Variants in TRPM3 observed in about 807,000 individuals in gnomAD.
TRPM3 encodes transient receptor potential cation channel subfamily M member 3, also known as long transient receptor potential channel 3.
Under a neutral mutation model 181.2 loss-of-function variants are expected in TRPM3, and 77 were observed. The ratio of observed to expected loss-of-function variants is 0.42; its 90% CI spans 0.35 to 0.51. The LOEUF is 0.51. Ranked by LOEUF, TRPM3 falls within the 20% of genes least tolerant of loss-of-function variation. The probability of loss-of-function intolerance (pLI) is 0.01; values close to 1 mark genes in which losing one functional copy is unlikely to be tolerated. For missense variants in TRPM3, 1,759 were observed against 2,196.7 expected (o/e 0.80, Z 3.98); for synonymous variants, 745 against 796.4 (o/e 0.94, Z 1.09).
intron 1 of TRPM3, among the ~76,000 whole-genome samples, chr9:71,255,815 A>G (rs907281287): frequency 2.0e-5 from 3 of 152,170 alleles, no homozygotes; most frequent in African/African-American, 7.2e-5. Flanking sequence ...AAAAACTCTA[A>G]GGTTATTATT....
intron 1 of TRPM3, among the ~76,000 whole-genome samples, chr9:71,208,617 A>G (rs2131782351): frequency 6.6e-6 from 1 of 152,338 alleles, no homozygotes; most frequent in East Asian, 1.9e-4. Flanking sequence ...GTCAATCAAA[A>G]TAAAATATCC....
chr9:70,835,084 C>T (rs1035188963), intron 5 of TRPM3, among the ~76,000 whole-genome samples: 1 of 152,116 alleles, frequency 6.6e-6, no homozygotes, highest in African/African-American at 2.4e-5. Context: ...TGACATTTCT[C>T]TTGCTCCCTC....
chr9:70,551,987 C>A (rs542431252), intron 24 of TRPM3, among the ~76,000 whole-genome samples: 22 of 152,306 alleles, frequency 1.4e-4, no homozygotes, highest in Non-Finnish European at 2.8e-4. Context: ...TTGACCAAAT[C>A]GTTTTGGTTT....
intron 1 of TRPM3, among the ~76,000 whole-genome samples, chr9:71,434,028 G>A (rs2082238): frequency 0.15 from 22,102 of 151,996 alleles, 1,907 homozygotes; most frequent in African/African-American, 0.24. Flanking sequence ...GCGTGGTGGC[G>A]CGCACCTGTA....
At chr9:71,298,695 G>A (rs544792497) in intron 1 of TRPM3, among the ~76,000 whole-genome samples, 46 of 152,004 alleles carry the variant, frequency 3.0e-4, no homozygotes, top group Non-Finnish European at 6.0e-4. Context: ...AGCAACACAG[G>A]AGACACCTTC....
chr9:70,752,793 C>T (rs909932385), intron 8 of TRPM3, among the ~76,000 whole-genome samples: 5 of 152,026 alleles, frequency 3.3e-5, no homozygotes, highest in African/African-American at 1.2e-4. Context: ...GTGTAGTAGG[C>T]TATGTTGTCT....
chr9:71,039,232 C>G (rs887469005), intron 1 of TRPM3, among the ~76,000 whole-genome samples: 1 of 152,128 alleles, frequency 6.6e-6, no homozygotes, highest in East Asian at 1.9e-4. Flanking sequence ...GTGCTTCAGT[C>G]TTGAGCAAAG....
At chr9:71,368,000 ACATG>A (rs920407574) in intron 1 of TRPM3, among the ~76,000 whole-genome samples, 1 of 110,448 alleles carries the variant, frequency 9.1e-6, no homozygotes, top group Admixed American at 9.6e-5. Context: ...GTGCACACAC[ACATG>A]TGAGTGTATG....
At chr9:70,648,690 C>G (rs1212831823) in intron 9 of TRPM3, among the ~76,000 whole-genome samples, 13 of 151,720 alleles carry the variant, frequency 8.6e-5, no homozygotes. Flanking sequence ...AATAAAGCCA[C>G]ATACCTACAG....
intron 19 of TRPM3, 73 bp downstream of exon 19, chr9:70,610,536 C>A: frequency 1.9e-6 from 3 of 1,551,804 alleles, no homozygotes; most frequent in Non-Finnish European, 2.6e-6. Flanking sequence ...GAGAAAACCA[C>A]ACAGATGCAT....
intron 25 of TRPM3, among the ~76,000 whole-genome samples, chr9:70,542,901 G>T (rs1224385982): frequency 6.6e-6 from 1 of 152,138 alleles, no homozygotes; most frequent in Non-Finnish European, 1.5e-5. Context: ...TCCACAGACT[G>T]ATATCTAATC....
chr9:71,355,841 T>A (rs896349621), intron 1 of TRPM3, among the ~76,000 whole-genome samples: 3 of 33,416 alleles, frequency 9.0e-5, no homozygotes, highest in South Asian at 7.6e-4. Flanking sequence ...AAATATTCCA[T>A]TTTTTTTTCC....
intron 1 of TRPM3, among the ~76,000 whole-genome samples, chr9:71,393,946 A>T (rs917699509): frequency 1.3e-5 from 2 of 152,202 alleles, no homozygotes; most frequent in African/African-American, 4.8e-5. Context: ...CCTTTAATGG[A>T]TCCATAGATA....
Position 70,862,933 on chromosome 9 carries a change from C to G in TRPM3, c.437G>C (p.Gly146Ala). Residue 146 changes from glycine to alanine, a missense_variant, in exon 3 of 26, where the codon GGA becomes GCA. This residue lies in a region of TRPM3 where 737 missense variants were observed against 957.4 expected (regional missense o/e 0.77). Transcript: ENST00000677713. ...TDAFGTIEFQ[G>A]GGHSNKAMYV... ...CATGGCTTTGTTGGAATGGCCACCT[C>G]CTTGGAACTCAATGGTCCCAAAAGC... The G allele has an allele frequency of 6.2e-7, 1 of 1,613,582 alleles. No individual in the cohort carries two copies. The highest frequency in any genetic ancestry group is 8.5e-7 in the Non-Finnish European group (1 of 1,179,654).
intron 1 of TRPM3, among the ~76,000 whole-genome samples, chr9:71,113,570 A>G (rs960330097): frequency 1.3e-5 from 2 of 152,180 alleles, no homozygotes; most frequent in African/African-American, 4.8e-5. Context: ...AGTGAGTCTG[A>G]CATGCCATAT....
chr9:70,797,036 G>T (rs1196521100), intron 6 of TRPM3, among the ~76,000 whole-genome samples: 2 of 152,026 alleles, frequency 1.3e-5, no homozygotes, highest in Non-Finnish European at 2.9e-5. Flanking sequence ...AGGCTGAGGT[G>T]GGAGGATTGC....
intron 1 of TRPM3, among the ~76,000 whole-genome samples, chr9:71,203,952 G>A (rs1040452522): frequency 6.6e-6 from 1 of 152,128 alleles, no homozygotes; most frequent in East Asian, 1.9e-4. Context: ...ACAAAAAGAA[G>A]AAATGGGGAA....
In TRPM3 at chr9:71,308,121, C is replaced by A. The variant is rs181241460; in HGVS notation, c.183+138532G>T. On this transcript the variant is annotated intron_variant, in intron 1 of 24. Transcript: ENST00000357533. ...AAGCAGCTGGGATTACAGGCATGTG[C>A]CACCACACCTGGCTAATTTTGTATT... Among the ~76,000 whole-genome samples the A allele has an allele frequency of 3.3e-5, 5 of 152,062 alleles. No homozygotes were observed. The East Asian group carries it at 9.7e-4, about 29-fold the overall frequency.
chr9:71,281,758 G>A (rs565769119), intron 1 of TRPM3, among the ~76,000 whole-genome samples: 105 of 152,252 alleles, frequency 6.9e-4, no homozygotes, highest in African/African-American at 2.3e-3. Context: ...CAATGGTAAG[G>A]TACTGTAGAT....
Sources: gnomAD v4.1 joint callset for allele counts (sites outside exome capture counted in the v4.1 genomes callset) on GRCh38, gnomAD v4.1.1 for gene constraint, gnomAD v4.1.1 regional missense constraint, MANE v1.5 for transcripts, NCBI Gene and HGNC (gene_info 2026-07-23, HGNC 2026-07-21) for gene names.